Variants in GLRB observed in about 807,000 individuals in gnomAD.
GLRB encodes glycine receptor beta.
GLRB carries 33 observed loss-of-function variants against 54.2 expected under a neutral mutation model. The ratio of observed to expected loss-of-function variants is 0.61; its 90% CI spans 0.46 to 0.81. The LOEUF is 0.81. GLRB is among the 40% of genes least tolerant of loss of function. The pLI is 0.00. For synonymous variants in GLRB, 209 were observed against 208.2 expected (o/e 1.00, Z -0.03); for missense variants, 572 against 584.6 (o/e 0.98, Z 0.22).
intron 2 of GLRB, among the ~76,000 whole-genome samples, chr4:157,081,985 A>G (rs1734237762): frequency 1.3e-5 from 2 of 152,184 alleles, no homozygotes; most frequent in South Asian, 4.2e-4. Flanking sequence ...ATCAACTCTC[A>G]TATACCCGTG....
At chr4:157,085,034 A>C (rs1734358010) in intron 2 of GLRB, among the ~76,000 whole-genome samples, 2 of 152,020 alleles carry the variant, frequency 1.3e-5, no homozygotes, top group African/African-American at 2.4e-5. Flanking sequence ...TTAGTTATGT[A>C]TTTTCTTATT....
At chr4:157,154,174 T>C (rs1168389800) in intron 9 of GLRB, among the ~76,000 whole-genome samples, 4 of 152,212 alleles carry the variant, frequency 2.6e-5, no homozygotes, top group South Asian at 4.1e-4. Flanking sequence ...GCCTTAAAGA[T>C]GTCCTTAATA....
intron 4 of GLRB, among the ~76,000 whole-genome samples, chr4:157,129,504 A>C (rs569547659): frequency 6.6e-6 from 1 of 151,922 alleles, no homozygotes; most frequent in African/African-American, 2.4e-5. Flanking sequence ...AAATTGTAAA[A>C]ATTTGAAATA....
chr4:157,168,508 G>A (rs58712789), intron 9 of GLRB, among the ~76,000 whole-genome samples: 15,381 of 152,040 alleles, frequency 0.1, 1,118 homozygotes, highest in African/African-American at 0.2. Context: ...AAAAAATCAT[G>A]CTATTAAATA....
chr4:157,162,724 T>C (rs62331488), intron 9 of GLRB, among the ~76,000 whole-genome samples: 21,690 of 152,128 alleles, frequency 0.14, 1,734 homozygotes, highest in East Asian at 0.29. Context: ...CACCCGGCTG[T>C]ATGAGGTGTC....
chr4:157,137,234 T>C (rs925730519), intron 6 of GLRB, among the ~76,000 whole-genome samples: 2 of 152,144 alleles, frequency 1.3e-5, no homozygotes, highest in African/African-American at 4.8e-5. Flanking sequence ...CAGATTTTCT[T>C]AGCAGAAAAT....
At chr4:157,167,302 T>C (rs1158959110) in intron 9 of GLRB, among the ~76,000 whole-genome samples, 2 of 152,210 alleles carry the variant, frequency 1.3e-5, no homozygotes, top group African/African-American at 4.8e-5. Flanking sequence ...TGTTCTCCAC[T>C]TCTATTCCAA....
chr4:157,137,136 A>T (rs1410807659), intron 6 of GLRB, among the ~76,000 whole-genome samples: 3 of 152,136 alleles, frequency 2.0e-5, no homozygotes, highest in Non-Finnish European at 4.4e-5. Flanking sequence ...CTAACATTCC[A>T]GTTGCCATTG....
At chr4:157,168,538 A>C (rs138667760) in intron 9 of GLRB, among the ~76,000 whole-genome samples, 2 of 152,276 alleles carry the variant, frequency 1.3e-5, no homozygotes, top group East Asian at 3.9e-4. Context: ...AGTCCTATTG[A>C]ACAAGGATGG....
At chr4:157,103,116 C>T (rs939666790) in intron 2 of GLRB, among the ~76,000 whole-genome samples, 1 of 150,334 alleles carries the variant, frequency 6.7e-6, no homozygotes, top group Admixed American at 6.6e-5. Context: ...CGCCACTGCA[C>T]TCCAGTCTGG....
At position 157,078,302 on chromosome 4, in the gene GLRB, G is replaced by A. The variant is rs187534001; in HGVS notation, c.122+156G>A. On this transcript the variant is annotated intron_variant, in intron 2 of 9. Transcript: ENST00000264428. ...ACAGAAAATGATAGGGTGAGGAGAGGTTTAGAATGTAAGAATTAATTCCCA... is the reference window on the plus strand; with the variant it reads ...ACAGAAAATGATAGGGTGAGGAGAGATTTAGAATGTAAGAATTAATTCCCA... The A allele has an allele frequency of 1.2e-3, 955 of 812,552 alleles. 10 individuals carry two copies. The African/African-American group carries it at 0.016, about 14-fold the overall frequency. 50.3% of individuals were successfully genotyped at this position (812,552 alleles called of 1,614,324 possible).
intron 9 of GLRB, among the ~76,000 whole-genome samples, chr4:157,154,349 T>C (rs756357456): frequency 4.6e-5 from 7 of 152,016 alleles, no homozygotes; most frequent in Non-Finnish European, 7.4e-5. Context: ...ATTATTGATA[T>C]AGTAAGGTTT....
At chr4:157,103,505 C>T (rs1405877826) in intron 2 of GLRB, among the ~76,000 whole-genome samples, 1 of 152,154 alleles carries the variant, frequency 6.6e-6, no homozygotes, top group African/African-American at 2.4e-5. Context: ...TGTTCTTTCT[C>T]AAGATTGTTT....
chr4:157,159,649 A>G (rs1409182028), intron 9 of GLRB, among the ~76,000 whole-genome samples: 1 of 152,140 alleles, frequency 6.6e-6, no homozygotes. Flanking sequence ...TGATTTGCAT[A>G]TGTTGAACCA....
At chr4:157,096,749 T>C (rs1734827078) in intron 2 of GLRB, among the ~76,000 whole-genome samples, 1 of 152,196 alleles carries the variant, frequency 6.6e-6, no homozygotes, top group South Asian at 2.1e-4. Context: ...GTATTACAAC[T>C]CATTTTACAC....
At chr4:157,166,027 C>T (rs544123050) in intron 9 of GLRB, among the ~76,000 whole-genome samples, 1 of 152,066 alleles carries the variant, frequency 6.6e-6, no homozygotes, top group East Asian at 1.9e-4. Context: ...AGAAATACTG[C>T]ATAAAGTTAT....
intron 9 of GLRB, among the ~76,000 whole-genome samples, chr4:157,166,904 T>C (rs1486842844): frequency 1.3e-5 from 2 of 152,104 alleles, no homozygotes; most frequent in African/African-American, 4.8e-5. Context: ...TGGCAGAATT[T>C]ATATGGTTAT....
chr4:157,103,701 G>C (rs1487835222), intron 2 of GLRB, among the ~76,000 whole-genome samples: 1 of 151,950 alleles, frequency 6.6e-6, no homozygotes, highest in Non-Finnish European at 1.5e-5. Context: ...CCATTTGTTT[G>C]TGGCTTTAAT....
intron 4 of GLRB, among the ~76,000 whole-genome samples, chr4:157,122,735 G>T (rs1735878306): frequency 1.3e-5 from 2 of 151,734 alleles, no homozygotes; most frequent in African/African-American, 4.8e-5. Flanking sequence ...TTATATGTTG[G>T]AACATTCAAA....
Sources: allele counts gnomAD v4.1 joint callset (sites outside exome capture counted in the v4.1 genomes callset), GRCh38; gene constraint gnomAD v4.1.1; transcripts MANE v1.5; gene names NCBI Gene and HGNC (gene_info 2026-07-23, HGNC 2026-07-21).